SPMIP10: variants seen among roughly 807,000 people sequenced by gnomAD.
SPMIP10 encodes sperm microtubule inner protein 10.
the SPMIP10 span, among the ~76,000 whole-genome samples, chr5:126,635,076 G>C: frequency 2.6e-5 from 4 of 151,596 alleles, no homozygotes; most frequent in African/African-American, 9.7e-5. Flanking sequence ...GCTGAGGCAG[G>C]AGGATTGCTT....
At chr5:126,632,848 A>G in the SPMIP10 span, among the ~76,000 whole-genome samples, 2 of 151,746 alleles carry the variant, frequency 1.3e-5, no homozygotes, top group African/African-American at 4.8e-5. Context: ...TTAGCTGGGC[A>G]TGGTGGCGGG....
At chr5:126,634,404 G>T in the SPMIP10 span, among the ~76,000 whole-genome samples, 3 of 152,168 alleles carry the variant, frequency 2.0e-5, no homozygotes, top group African/African-American at 4.8e-5. Flanking sequence ...ACTCCAGCCT[G>T]GGCAACAGAG....
the SPMIP10 span, chr5:126,631,779 T>C: frequency 1.2e-5 from 20 of 1,612,420 alleles, no homozygotes; most frequent in Non-Finnish European, 1.7e-5. Flanking sequence ...CTAAACTCAC[T>C]AACAACTGCT....
the SPMIP10 span, among the ~76,000 whole-genome samples, chr5:126,634,257 C>A: frequency 1.3e-5 from 2 of 152,076 alleles, no homozygotes; most frequent in African/African-American, 4.8e-5. Flanking sequence ...CATGGTGAAA[C>A]CCCATCTCTA....
chr5:126,633,008 C>CATATATATATATATATATATATAT, the SPMIP10 span, among the ~76,000 whole-genome samples: 75 of 125,302 alleles, frequency 6.0e-4, 1 homozygote, highest in African/African-American at 2.3e-3. Context: ...ATAAATTTTA[C>CATATATATATATATATATATATAT]ATATATATAT....
the SPMIP10 span, chr5:126,632,557 T>C: frequency 6.3e-7 from 1 of 1,596,854 alleles, no homozygotes; most frequent in Non-Finnish European, 8.6e-7. Context: ...TATGAAGAGA[T>C]TCATTTGCCA....
the SPMIP10 span, chr5:126,632,468 C>A: frequency 1.2e-6 from 1 of 814,022 alleles, no homozygotes; most frequent in South Asian, 1.4e-5. Flanking sequence ...GAATGCACAA[C>A]TGCCTCCAGT....
chr5:126,633,866 T>G, the SPMIP10 span, among the ~76,000 whole-genome samples: 131 of 140,578 alleles, frequency 9.3e-4, no homozygotes, highest in African/African-American at 3.9e-3. Context: ...ATCTCTACTA[T>G]GTGGTCCAGG....
At chr5:126,636,174 T>C in the SPMIP10 span, 2 of 1,614,214 alleles carry the variant, frequency 1.2e-6, no homozygotes, top group Non-Finnish European at 1.7e-6. Context: ...GATATGCCTT[T>C]GCATTCGCCT....
At chr5:126,632,715 C>T in the SPMIP10 span, 19 of 999,550 alleles carry the variant, frequency 1.9e-5, no homozygotes, top group African/African-American at 9.8e-5. Context: ...AAGCCGGATG[C>T]GGTGACTTGT....
chr5:126,634,202 C>T, the SPMIP10 span, among the ~76,000 whole-genome samples: 6 of 152,026 alleles, frequency 3.9e-5, no homozygotes, highest in East Asian at 9.7e-4. Flanking sequence ...GAGGCGGAGG[C>T]GGGCAGATAA....
chr5:126,635,975 A>C, the SPMIP10 span: 1 of 1,434,456 alleles, frequency 7.0e-7, no homozygotes, highest in South Asian at 1.2e-5. Context: ...CTTCCTTCTT[A>C]ATCTAACAAG....
the SPMIP10 span, chr5:126,631,936 G>A: frequency 1.5e-6 from 1 of 660,682 alleles, no homozygotes. Flanking sequence ...AAAGCTTTAT[G>A]TTCCAGAGGG....
At chr5:126,635,435 T>G in the SPMIP10 span, among the ~76,000 whole-genome samples, 1 of 152,150 alleles carries the variant, frequency 6.6e-6, no homozygotes, top group Admixed American at 6.6e-5. Context: ...TCCTTTAATA[T>G]TCCCATTTTA....
chr5:126,635,056 T>C, the SPMIP10 span, among the ~76,000 whole-genome samples: 1 of 151,516 alleles, frequency 6.6e-6, no homozygotes, highest in Non-Finnish European at 1.5e-5. Flanking sequence ...TAGTCCCAGC[T>C]ACTTGGGAGG....
chr5:126,631,798 A>G, the SPMIP10 span: 1 of 1,610,904 alleles, frequency 6.2e-7, no homozygotes, highest in Non-Finnish European at 8.5e-7. Flanking sequence ...CTCTGATGAG[A>G]GTCTCTATAA....
chr5:126,635,701 T>TG, the SPMIP10 span, among the ~76,000 whole-genome samples: 1 of 152,248 alleles, frequency 6.6e-6, no homozygotes, highest in East Asian at 1.9e-4. Context: ...GGAGAGGGGA[T>TG]GGGGTCTCAC....
chr5:126,631,815 T>C, the SPMIP10 span: 2 of 1,599,030 alleles, frequency 1.3e-6, no homozygotes, highest in Non-Finnish European at 1.7e-6. Context: ...ATAAATCTGC[T>C]AATAAGTAAG....
At chr5:126,636,072 ACT>A in the SPMIP10 span, 14 of 1,613,868 alleles carry the variant, frequency 8.7e-6, no homozygotes, top group East Asian at 4.5e-5. Flanking sequence ...CCTTTAGAAG[ACT>A]CTCTGTTTTT....
Sources: gnomAD v4.1 joint callset for allele counts (sites outside exome capture counted in the v4.1 genomes callset) on GRCh38, gnomAD v4.1.1 for gene constraint, MANE v1.5 for transcripts, NCBI Gene and HGNC (gene_info 2026-07-23, HGNC 2026-07-21) for gene names.